The following GRM8 variants were observed in gnomAD, a reference collection of about 807,000 sequenced individuals.
GRM8 encodes metabotropic glutamate receptor 8.
In GRM8, 47 loss-of-function variants were observed where a neutral mutation model predicts 87.2. That is an observed-to-expected ratio of 0.54 (90% CI 0.43 to 0.69). The LOEUF (loss-of-function observed/expected upper bound fraction) is 0.69, where lower values mean the gene tolerates loss of function less well. Ranked by LOEUF, GRM8 falls within the 30% of genes least tolerant of loss-of-function variation. The probability of loss-of-function intolerance (pLI) is 0.00; values close to 1 mark genes in which losing one functional copy is unlikely to be tolerated. For synonymous variants in GRM8, 396 were observed against 404.5 expected (o/e 0.98, Z 0.25); for missense variants, 1,019 against 1,139.2 (o/e 0.89, Z 1.52).
intron 2 of GRM8, among the ~76,000 whole-genome samples, chr7:127,214,195 A>G (rs1472946975): frequency 1.3e-5 from 2 of 152,196 alleles, no homozygotes; most frequent in East Asian, 3.8e-4. Context: ...CTATTTTTGG[A>G]TACTGGTTGA....
chr7:126,935,050 G>C (rs1806165599), intron 3 of GRM8, among the ~76,000 whole-genome samples: 1 of 152,164 alleles, frequency 6.6e-6, no homozygotes. Flanking sequence ...TGTAATATGT[G>C]CTCAATAAAT....
chr7:126,953,595 T>C (rs77158999), intron 3 of GRM8, among the ~76,000 whole-genome samples: 1 of 152,110 alleles, frequency 6.6e-6, no homozygotes, highest in Non-Finnish European at 1.5e-5. Context: ...AGTTTTTTTT[T>C]CTTCTTCTTC....
chr7:127,054,542 A>G (rs139667571), intron 3 of GRM8, among the ~76,000 whole-genome samples: 1 of 152,280 alleles, frequency 6.6e-6, no homozygotes, highest in East Asian at 1.9e-4. Flanking sequence ...AAAACAGAAA[A>G]CAACATACCC....
At chr7:126,952,203 C>T (rs1037183814) in intron 3 of GRM8, among the ~76,000 whole-genome samples, 2 of 151,778 alleles carry the variant, frequency 1.3e-5, no homozygotes, top group African/African-American at 4.8e-5. Context: ...TCCTAACAGC[C>T]AAAGCTGGAA....
chr7:127,189,328 G>A (rs1794899455), intron 2 of GRM8, among the ~76,000 whole-genome samples: 1 of 152,118 alleles, frequency 6.6e-6, no homozygotes, highest in Non-Finnish European at 1.5e-5. Flanking sequence ...GCAGAGAAGT[G>A]GCTTTATTTA....
intron 2 of GRM8, among the ~76,000 whole-genome samples, chr7:127,212,080 A>T (rs189661563): frequency 3.0e-3 from 460 of 152,254 alleles, no homozygotes; most frequent in Non-Finnish European, 5.2e-3. Flanking sequence ...TAATAGTCAC[A>T]CCCCTATTTT....
chr7:126,956,842 A>C (rs754667793), intron 3 of GRM8, among the ~76,000 whole-genome samples: 1 of 152,232 alleles, frequency 6.6e-6, no homozygotes, highest in Non-Finnish European at 1.5e-5. Context: ...TTATTCTTTC[A>C]ACTTACAAAA....
chr7:126,813,679 C>T (rs973996909), intron 6 of GRM8, among the ~76,000 whole-genome samples: 2 of 152,050 alleles, frequency 1.3e-5, no homozygotes, highest in African/African-American at 4.8e-5. Flanking sequence ...ACCCTTAACA[C>T]CCTCAGATAG....
chr7:127,110,238 C>T (rs1378986886), intron 2 of GRM8, among the ~76,000 whole-genome samples: 6 of 152,160 alleles, frequency 3.9e-5, no homozygotes, highest in Non-Finnish European at 8.8e-5. Flanking sequence ...ACTGCCCTTT[C>T]ATTACCCCTG....
At chr7:127,105,846 C>T (rs17869423) in intron 3 of GRM8, among the ~76,000 whole-genome samples, 13,165 of 152,132 alleles carry the variant, frequency 0.087, 1,894 homozygotes, top group African/African-American at 0.3. Flanking sequence ...GGATTTACAA[C>T]CTCATCGTAC....
intron 8 of GRM8, among the ~76,000 whole-genome samples, chr7:126,598,094 T>TAAC (rs202156361): frequency 2.4e-4 from 36 of 152,018 alleles, no homozygotes; most frequent in African/African-American, 7.5e-4. Flanking sequence ...CTGCCTTTGC[T>TAAC]AACCATCATT....
intron 8 of GRM8, among the ~76,000 whole-genome samples, chr7:126,568,376 A>G (rs777174273): frequency 2.6e-5 from 4 of 152,166 alleles, no homozygotes; most frequent in Admixed American, 6.6e-5. Flanking sequence ...TTAAAACTCT[A>G]TTAACACAGG....
chr7:127,060,050 C>A (rs1820455948), intron 3 of GRM8, among the ~76,000 whole-genome samples: 1 of 152,146 alleles, frequency 6.6e-6, no homozygotes, highest in South Asian at 2.1e-4. Flanking sequence ...TCTACAGCTA[C>A]CATAATCCTC....
At chr7:126,720,906 G>A (rs547718657) in intron 7 of GRM8, among the ~76,000 whole-genome samples, 1 of 152,160 alleles carries the variant, frequency 6.6e-6, no homozygotes, top group African/African-American at 2.4e-5. Context: ...TGGCTTTTGA[G>A]GAAACTGCTT....
chr7:126,546,087 A>C (rs1181356852), intron 8 of GRM8, among the ~76,000 whole-genome samples: 3 of 152,184 alleles, frequency 2.0e-5, no homozygotes, highest in Non-Finnish European at 2.9e-5. Context: ...GTGGCAAGCT[A>C]TTTTATATTA....
intron 3 of GRM8, among the ~76,000 whole-genome samples, chr7:127,002,577 G>A (rs967137027): frequency 6.6e-6 from 1 of 151,566 alleles, no homozygotes. Flanking sequence ...GCTAGCTCTC[G>A]AAGTATAATA....
At chr7:126,609,579 T>C (rs1266000523) in intron 7 of GRM8, 81 bp from the exon 8 acceptor site, 5 of 992,798 alleles carry the variant, frequency 5.0e-6, no homozygotes, top group Non-Finnish European at 6.0e-6. Context: ...GAAGGAATGG[T>C]AGATAAAAAT....
At chr7:126,519,055 T>G (rs758183293) in intron 9 of GRM8, among the ~76,000 whole-genome samples, 2 of 152,130 alleles carry the variant, frequency 1.3e-5, no homozygotes, top group Non-Finnish European at 1.5e-5. Context: ...CTTTTTCTTT[T>G]CTTTTTATCA....
chr7:127,110,971 C>T (rs1016472449), intron 2 of GRM8: 2 of 152,104 alleles, frequency 1.3e-5, no homozygotes, highest in Non-Finnish European at 2.9e-5. Flanking sequence ...GAAAGGAAGC[C>T]CACCCTCTTC....
Sources: allele counts gnomAD v4.1 joint callset (sites outside exome capture counted in the v4.1 genomes callset), GRCh38; gene constraint gnomAD v4.1.1; transcripts MANE v1.5; gene names NCBI Gene and HGNC (gene_info 2026-07-23, HGNC 2026-07-21).